DOK3: variants seen among roughly 807,000 people sequenced by gnomAD.
The protein encoded by DOK3 is docking protein 3.
Under a neutral mutation model 26.2 loss-of-function variants are expected in DOK3, and 23 were observed. The observed-to-expected ratio is 0.88, with a 90% CI of 0.63 to 1.24. The LOEUF is 1.24. DOK3 is among the 50% of genes most tolerant of loss of function. The pLI, the probability that DOK3 is intolerant of heterozygous loss-of-function variation, is 0.00. For missense variants in DOK3, 619 were observed against 610.6 expected (o/e 1.01, Z -0.15); for synonymous variants, 268 against 268.2 (o/e 1.00, Z 0.01).
At chr5:177,505,984 T>C (rs568188076) in intron 3 of DOK3, among the ~76,000 whole-genome samples, 509 of 151,676 alleles carry the variant, frequency 3.4e-3, no homozygotes, top group Middle Eastern at 0.021. Context: ...ATGATCCGCC[T>C]GTCTCGGCCT....
Position 177,504,772 on chromosome 5 carries a change from G to A in DOK3, c.616C>T (p.His206Tyr), listed in dbSNP as rs748085171. 9.9e-6 allele frequency: 16 copies of A among 1,613,938 alleles called. No homozygotes were observed. The highest frequency in any genetic ancestry group is 1.4e-5 in the Non-Finnish European group (16 of 1,179,950). ...GTQALYSWPY[H>Y]FLRKFGSDKG... Reference sequence around the variant, plus strand: ...TCGGAGCCGAACTTGCGCAGGAAGTGGTAGGGCCAGCTGTAGAGGGCCTGG... The same window carrying A: ...TCGGAGCCGAACTTGCGCAGGAAGTAGTAGGGCCAGCTGTAGAGGGCCTGG... The change falls in exon 5 of 6, where the codon CAC becomes TAC. Residue 206 changes from histidine (H) to tyrosine (Y), a missense_variant. By Grantham distance (83) the His-to-Tyr change is moderately conservative. Transcript: ENST00000510898.
In DOK3 at chr5:177,504,014, C is replaced by T; in HGVS notation, c.1292G>A (p.Arg431Lys). Residue 431 changes from arginine (R) to lysine (K), a missense_variant, in exon 6 of 6, where the codon AGG (arginine) becomes AAG (lysine). By Grantham distance (26) the Arg-to-Lys change is conservative. Coordinates refer to ENST00000510898, the MANE Select transcript of DOK3 (RefSeq NM_001308236.3). ...CCGGTCACAAGGGGCTGGGCCCTTC[C>T]TCCGCTCACGACTCAGCAGGGTCAC... ...KLVTLLSRER[R>K]KGPAPCDRP 1 of 1,566,444 alleles carries T rather than the reference C, an allele frequency of 6.4e-7. No homozygotes were observed.
At position 177,507,218 on chromosome 5, in the gene DOK3, TG is replaced by T. The variant is rs555251439; in HGVS notation, c.372+1018del. ...TTTTTTTTGAGACAGGGTCTCACTATGTTGCCCAGGCTGATCTTGAATTCCT... is the reference window on the plus strand; with the variant it reads ...TTTTTTTTGAGACAGGGTCTCACTATTTGCCCAGGCTGATCTTGAATTCCT... On this transcript the variant is annotated intron_variant, in intron 3 of 5. Transcript: ENST00000510898. Among the ~76,000 whole-genome samples, 12 of 151,772 alleles carry T rather than the reference TG, an allele frequency of 7.9e-5. No homozygotes were observed. In the South Asian group the frequency reaches 2.5e-3, roughly 32 times the overall value.
Position 177,504,302 on chromosome 5 carries a change from G to A in DOK3, c.1004C>T (p.Pro335Leu), listed in dbSNP as rs754612265. Residue 335 changes from proline (P) to leucine (L), a missense_variant, in exon 6 of 6, where the codon CCC (proline) becomes CTC (leucine). Physicochemically the swap from Pro to Leu is moderately conservative, Grantham distance 98. Transcript: ENST00000510898. The part of the protein sequence containing the change: ...YASVCKRASG[P>L]PGNEHLYENL... Reference sequence around the variant, plus strand: ...CTCATAGAGGTGCTCATTGCCTGGGGGCCCACTGGCACGCTTGCACACTGA... The same window carrying A: ...CTCATAGAGGTGCTCATTGCCTGGGAGCCCACTGGCACGCTTGCACACTGA... The A allele has an allele frequency of 2.5e-6, 4 of 1,606,218 alleles. No homozygotes were observed. The highest frequency in any genetic ancestry group is 3.4e-6 in the Non-Finnish European group (4 of 1,175,860).
chr5:177,504,407 T>C lies in DOK3; in HGVS notation c.899A>G (p.His300Arg). 14 of 1,566,714 alleles carry C rather than the reference T, an allele frequency of 8.9e-6. No homozygotes were observed. The highest frequency in any genetic ancestry group is 1.2e-5 in the Non-Finnish European group (14 of 1,156,168). The change falls in exon 6 of 6, where the codon CAC becomes CGC. Residue 300 changes from histidine to arginine, a missense_variant. His to Arg is a conservative substitution (Grantham distance 29). Coordinates refer to ENST00000510898, the MANE Select transcript of DOK3 (RefSeq NM_001308236.3). ...GCTCTGGGGTCCGGGCTCGGCCAGG[T>C]GCATTTTCCTGGACGTGGGTGGCTC... is the stretch of plus-strand genomic sequence containing the variant. ...GPEPPTSRKM[H>R]LAEPGPQSLP...
rs337401 is a variant in DOK3, at chr5:177,507,256, A to T, written c.372+981T>A. Among the ~76,000 whole-genome samples the T allele has an allele frequency of 7.4e-3, 1,120 of 151,910 alleles. 12 individuals are homozygous for T. Among genetic ancestry groups the T allele is most frequent in the African/African-American group, 0.026 (1,071 of 41,402 alleles). ...GATCTTGAATTCCTAGGCTCAAGCA[A>T]TCCTCCTACCTCAGCCTCCCAAAGT... On this transcript the variant is annotated intron_variant, in intron 3 of 5. Transcript: ENST00000510898.
chr5:177,507,761 T>C (rs1467903451), intron 3 of DOK3, among the ~76,000 whole-genome samples: 2 of 152,172 alleles, frequency 1.3e-5, no homozygotes, highest in African/African-American at 4.8e-5. Flanking sequence ...AGCCTTCGCC[T>C]CTCACTCAGA....
At position 177,503,817 on chromosome 5, in the gene DOK3, A is replaced by G; in HGVS notation, c.*166T>C. Reference sequence around the variant, plus strand: ...TCTGTGAGTCTGCACACTATTCATGAGGAGGGCAGGGCAGGGCTGAGGTCC... The same window carrying G: ...TCTGTGAGTCTGCACACTATTCATGGGGAGGGCAGGGCAGGGCTGAGGTCC... On this transcript the variant is annotated 3_prime_UTR_variant, in exon 6 of 6. Transcript: ENST00000510898. 7.0e-7 allele frequency: 1 copy of G among 1,432,370 alleles called. No homozygotes were observed. The allele number at this position is 1,432,370 out of a possible 1,614,324, so 88.7% of individuals were successfully genotyped here. A position where few individuals can be genotyped will look rare whatever the true frequency, so the allele number is the denominator to read the frequency against.
In DOK3 at chr5:177,503,294, G is replaced by C. The variant is rs1382896344; in HGVS notation, c.*689C>G. 6.4e-7 allele frequency: 1 copy of C among 1,550,608 alleles called. No individual in the cohort carries two copies. The highest frequency in any genetic ancestry group is 8.7e-7 in the Non-Finnish European group (1 of 1,145,946). ...GTCCCCCAGCGCCTGGCACTGAGTA[G>C]GCACGCAGCAAACTCTCATCAAGGA... On this transcript the variant is annotated 3_prime_UTR_variant, in exon 6 of 6. Transcript: ENST00000510898.
At chr5:177,505,224 G>A (rs1190064550) in intron 3 of DOK3, 114 bp from the exon 4 acceptor site, 1 of 970,854 alleles carries the variant, frequency 1.0e-6, no homozygotes, top group Non-Finnish European at 1.5e-6. Flanking sequence ...CTGGGCTCCA[G>A]TTCCAGCTTT....
chr5:177,502,774 C>T lies in DOK3; in HGVS notation c.*1209G>A, dbSNP rs915184992. The T allele has an allele frequency of 2.0e-4, 94 of 467,214 alleles. No homozygotes were observed. The highest frequency in any genetic ancestry group is 1.7e-3 in the African/African-American group (89 of 51,858). The allele number at this position is 467,214 out of a possible 1,614,324, so 28.9% of individuals were successfully genotyped here. A position where few individuals can be genotyped will look rare whatever the true frequency, so the allele number is the denominator to read the frequency against. ...GGCTGTGGGCAGCTGTGTGCAGGCA[C>T]TGAGGAGGTCTGGGCTCGCCCAAGG... is the stretch of plus-strand genomic sequence containing the variant. On this transcript the variant is annotated 3_prime_UTR_variant, in exon 6 of 6. Coordinates refer to ENST00000510898, the MANE Select transcript of DOK3 (RefSeq NM_001308236.3).
upstream of DOK3, chr5:177,509,891 C>A (rs370487551): frequency 3.7e-6 from 6 of 1,605,964 alleles, no homozygotes; most frequent in South Asian, 4.4e-5. Flanking sequence ...CGGGCAGCTG[C>A]GCACCCTGGG....
Position 177,503,265 on chromosome 5 carries a change from C to T in DOK3, c.*718G>A. The T allele has an allele frequency of 6.4e-7, 1 of 1,551,426 alleles. No homozygotes were observed. The highest frequency in any genetic ancestry group is 8.7e-7 in the Non-Finnish European group (1 of 1,146,714). On this transcript the variant is annotated 3_prime_UTR_variant, in exon 6 of 6. Transcript: ENST00000510898. ...AGGACCAAGGCTGTCCTGAACACGG[C>T]TGTGTCCCCCAGCGCCTGGCACTGA...
At chr5:177,509,212 G>A (rs1760651236) in intron 2 of DOK3, 3 of 442,674 alleles carry the variant, frequency 6.8e-6, no homozygotes, top group South Asian at 6.3e-5. Flanking sequence ...TTCCCTGCTG[G>A]GAGGTTTGAG....
Position 177,509,662 on chromosome 5 carries a change from A to G in DOK3, c.-117-5T>C. 6.3e-7 allele frequency: 1 copy of G among 1,589,254 alleles called. No homozygotes were observed. Among genetic ancestry groups the G allele is most frequent in the East Asian group, 2.2e-5 (1 of 44,544 alleles). ...CGTCCCTCCGTCTAGAGACAGCTGC[A>G]GGCCGGGGGGAGGGGAGCCTGTCTT... On this transcript the variant is annotated splice_region_variant and splice_polypyrimidine_tract_variant and intron_variant, in intron 1 of 5. Coordinates refer to ENST00000510898, the MANE Select transcript of DOK3 (RefSeq NM_001308236.3).
intron 3 of DOK3, among the ~76,000 whole-genome samples, chr5:177,507,074 G>A (rs565124563): frequency 3.0e-4 from 46 of 152,174 alleles, no homozygotes; most frequent in African/African-American, 1.1e-3. Flanking sequence ...TGGAAGCCCT[G>A]TACCCATGAG....
intron 2 of DOK3, chr5:177,509,069 C>T (rs1760635185): frequency 1.5e-5 from 3 of 196,730 alleles, no homozygotes; most frequent in African/African-American, 7.0e-5. Context: ...AGAGGTGACC[C>T]CCTGCCTCCT....
At chr5:177,506,767 C>T (rs1165471949) in intron 3 of DOK3, among the ~76,000 whole-genome samples, 1 of 143,706 alleles carries the variant, frequency 7.0e-6, no homozygotes, top group African/African-American at 2.6e-5. Context: ...CGGCTCACCG[C>T]AACCTCTGCC....
chr5:177,506,685 CTTTTTTTTTTTTTTT>C (rs55649685), intron 3 of DOK3, among the ~76,000 whole-genome samples: 1 of 75,916 alleles, frequency 1.3e-5, no homozygotes, highest in Non-Finnish European at 2.6e-5. Flanking sequence ...TTTTTCTTTT[CTTTTTTTTTTTTTTT>C]TTTTTGAGAC....
Sources: allele counts gnomAD v4.1 joint callset (sites outside exome capture counted in the v4.1 genomes callset), GRCh38; gene constraint gnomAD v4.1.1; transcripts MANE v1.5; gene names NCBI Gene and HGNC (gene_info 2026-07-23, HGNC 2026-07-21).